Variants in AKAP9 observed in about 807,000 individuals in gnomAD.
The protein encoded by AKAP9 is A-kinase anchoring protein 9.
AKAP9 carries 311 observed loss-of-function variants against 488.5 expected under a neutral mutation model. The ratio of observed to expected loss-of-function variants is 0.64; its 90% CI spans 0.58 to 0.70. AKAP9 has a LOEUF of 0.70. Among genes scored for constraint, AKAP9 ranks in the 30% least tolerant of loss-of-function variants. The pLI is 0.00. For missense variants in AKAP9, 4,215 were observed against 4,374.5 expected (o/e 0.96, Z 1.03); for synonymous variants, 1,462 against 1,483.5 (o/e 0.99, Z 0.33).
chr7:92,091,403 T>C (rs1815534149), intron 38 of AKAP9, among the ~76,000 whole-genome samples: 1 of 151,928 alleles, frequency 6.6e-6, no homozygotes. Flanking sequence ...CTGGCCAACA[T>C]GGTGAAACCC....
intron 46 of AKAP9, among the ~76,000 whole-genome samples, chr7:92,104,627 C>T (rs542899970): frequency 5.3e-5 from 8 of 152,284 alleles, no homozygotes; most frequent in African/African-American, 1.9e-4. Context: ...CTAGGACAAC[C>T]AGCCCAGTCT....
At chr7:92,056,042 T>G (rs1303626469) in intron 22 of AKAP9, among the ~76,000 whole-genome samples, 1 of 149,872 alleles carries the variant, frequency 6.7e-6, no homozygotes, top group Non-Finnish European at 1.5e-5. Context: ...TTCAGTTATT[T>G]TAATTCATGG....
chr7:91,977,411 C>T (rs193034337), intron 2 of AKAP9, among the ~76,000 whole-genome samples: 16 of 152,206 alleles, frequency 1.1e-4, no homozygotes, highest in East Asian at 5.8e-4. Flanking sequence ...AAAAAATTAG[C>T]GGGGCATGGT....
At chr7:92,040,013 C>T (rs115919486) in intron 17 of AKAP9, among the ~76,000 whole-genome samples, 160 of 152,052 alleles carry the variant, frequency 1.1e-3, no homozygotes, top group African/African-American at 3.5e-3. Flanking sequence ...TTATGGAATG[C>T]AAAACTTGTT....
chr7:92,029,850 C>A, intron 14 of AKAP9, 45 bp from the exon 15 acceptor site: 1 of 1,481,142 alleles, frequency 6.8e-7, no homozygotes, highest in Non-Finnish European at 9.4e-7. Context: ...AACACTAAAG[C>A]ACATATACAA....
At chr7:92,048,856 A>G (rs1436379651) in intron 21 of AKAP9, among the ~76,000 whole-genome samples, 1 of 151,218 alleles carries the variant, frequency 6.6e-6, no homozygotes, top group Non-Finnish European at 1.5e-5. Flanking sequence ...CAGTGAGCCG[A>G]GATCACACCA....
At chr7:92,098,568 A>C (rs1817031922) in intron 43 of AKAP9, among the ~76,000 whole-genome samples, 1 of 152,100 alleles carries the variant, frequency 6.6e-6, no homozygotes, top group South Asian at 2.1e-4. Context: ...TTTTCAGTTT[A>C]TCTCTTGACT....
chr7:92,061,615 TATATAA>T (rs1220518420), intron 23 of AKAP9, among the ~76,000 whole-genome samples, 193 bp downstream of exon 23: 14 of 122,126 alleles, frequency 1.1e-4, no homozygotes, highest in African/African-American at 3.7e-4. Context: ...TATATATATA[TATATAA>T]AATTATAAAA....
chr7:92,091,535 G>A (rs150352623), intron 38 of AKAP9, among the ~76,000 whole-genome samples: 27 of 149,498 alleles, frequency 1.8e-4, no homozygotes, highest in African/African-American at 6.2e-4. Flanking sequence ...GCAATGAGTT[G>A]GGATCGTGCC....
rs541151106 is a variant in AKAP9 at position 92,089,329 on chromosome 7, T to A, written c.9214-56T>A. The A allele has an allele frequency of 1.8e-5, 29 of 1,591,340 alleles. No individual in the cohort carries two copies. In the African/African-American group the frequency reaches 3.6e-4, roughly 20 times the overall value. ...ATTCTTCTTTAGATTTCTTGGTTGT[T>A]AATTGTATTGCCTTTACATTGCTCT... On this transcript the variant is annotated intron_variant, in intron 37 of 49. Coordinates refer to ENST00000356239, the MANE Select transcript of AKAP9 (RefSeq NM_005751.5).
intron 10 of AKAP9, among the ~76,000 whole-genome samples, chr7:92,014,633 AAAT>A (rs1801256798): frequency 1.3e-5 from 2 of 152,168 alleles, no homozygotes; most frequent in African/African-American, 4.8e-5. Context: ...TGTCTCAAAA[AAAT>A]AATAATAAAT....
chr7:92,040,743 G>C lies in AKAP9; in HGVS notation c.4762G>C (p.Glu1588Gln). The C allele has an allele frequency of 6.2e-7, 1 of 1,613,506 alleles. No homozygotes were observed. Among genetic ancestry groups the C allele is most frequent in the East Asian group, 2.2e-5 (1 of 44,838 alleles). The change falls in exon 18 of 50, where the codon GAA (glutamate) becomes CAA (glutamine). Residue 1588 changes from glutamate (E) to glutamine (Q), a missense_variant. By Grantham distance (29) the Glu-to-Gln change is conservative. Transcript: ENST00000356239. ...ACTAATGTTGAATGAAGAACAGTTG[G>C]AAGATATGAGACAGGAACTTGTACG... ...RQLMLNEEQLEDMRQELVRQY... is the reference protein window; with the variant it reads ...RQLMLNEEQLQDMRQELVRQY...
chr7:91,981,615 T>C (rs887097345), intron 3 of AKAP9, among the ~76,000 whole-genome samples: 1 of 149,082 alleles, frequency 6.7e-6, no homozygotes, highest in Admixed American at 6.6e-5. Context: ...TTTTTTTTTT[T>C]TTTTTTTTCA....
intron 16 of AKAP9, among the ~76,000 whole-genome samples, chr7:92,033,969 C>T (rs1298958569): frequency 6.6e-6 from 1 of 151,958 alleles, no homozygotes; most frequent in Admixed American, 6.6e-5. Flanking sequence ...TACAGATAGA[C>T]AACATACAGA....
In AKAP9 at chr7:92,086,240, T is replaced by C. The variant is rs772122878; in HGVS notation, c.9037T>C (p.Ser3013Pro). 6.2e-7 allele frequency: 1 copy of C among 1,614,064 alleles called. No homozygotes were observed. The highest frequency in any genetic ancestry group is 8.5e-7 in the Non-Finnish European group (1 of 1,179,924). The change falls in exon 37 of 50, where the codon TCT becomes CCT. Residue 3013 changes from serine to proline, a missense_variant. Physicochemically the swap from Ser to Pro is moderately conservative, Grantham distance 74. Around this residue, in one of 5 missense-constraint regions of AKAP9, gnomAD observed 1,476 missense variants for 1,477.4 expected, o/e 1.00. Coordinates refer to ENST00000356239, the MANE Select transcript of AKAP9 (RefSeq NM_005751.5). ...TGTACTTTGCTAGGTTTATGATAGT[T>C]CTCAATCTCATGAGAGCTTCTCAGA... ...LQREAEVYDS[S>P]QSHESFSDWR...
At chr7:91,985,190 T>C (rs1056888977) in intron 3 of AKAP9, among the ~76,000 whole-genome samples, 15 of 152,264 alleles carry the variant, frequency 9.9e-5, no homozygotes, top group Admixed American at 8.5e-4. Flanking sequence ...TTGTCTTGTG[T>C]CAGTTTTCAA....
In AKAP9 at chr7:92,053,020, T is replaced by G. The variant is rs1014930841; in HGVS notation, c.5601+62T>G. Reference sequence around the variant, plus strand: ...AAGTACAATATACTATCCCACTCTCTCGACTGAGCTAATTTTGATATTTTC... The same window carrying G: ...AAGTACAATATACTATCCCACTCTCGCGACTGAGCTAATTTTGATATTTTC... On this transcript the variant is annotated intron_variant, in intron 22 of 49. Transcript: ENST00000356239. The G allele has an allele frequency of 2.2e-6, 3 of 1,352,188 alleles. No homozygotes were observed. In the African/African-American group the frequency reaches 4.4e-5, roughly 20 times the overall value. The allele number at this position is 1,352,188 out of a possible 1,614,324, so 83.8% of individuals were successfully genotyped here.
intron 1 of AKAP9, among the ~76,000 whole-genome samples, chr7:91,954,931 A>G (rs1202886620): frequency 1.3e-5 from 2 of 152,260 alleles, no homozygotes; most frequent in African/African-American, 4.8e-5. Context: ...TATGTTGGAT[A>G]CAAAGAGAAG....
intron 1 of AKAP9, among the ~76,000 whole-genome samples, chr7:91,950,847 A>T (rs554886673): frequency 2.0e-5 from 3 of 152,338 alleles, no homozygotes; most frequent in African/African-American, 4.8e-5. Flanking sequence ...TGAAATAATG[A>T]GTTTTGGCTG....
Sources: gnomAD v4.1 joint callset for allele counts (sites outside exome capture counted in the v4.1 genomes callset) on GRCh38, gnomAD v4.1.1 for gene constraint, gnomAD v4.1.1 regional missense constraint, MANE v1.5 for transcripts, NCBI Gene and HGNC (gene_info 2026-07-23, HGNC 2026-07-21) for gene names.